Variants in SH3PXD2B observed in about 807,000 individuals in gnomAD.
SH3PXD2B encodes SH3 and PX domains 2B, also known as SH3 and PX domain-containing protein 2B.
SH3PXD2B carries 37 observed loss-of-function variants against 73.1 expected under a neutral mutation model. That is an observed-to-expected ratio of 0.51 (90% CI 0.39 to 0.67). The LOEUF (loss-of-function observed/expected upper bound fraction) is 0.67, where lower values mean the gene tolerates loss of function less well. SH3PXD2B is among the 30% of genes least tolerant of loss of function. SH3PXD2B has a pLI of 0.00. For missense variants in SH3PXD2B, 1,053 were observed against 1,197.8 expected, an observed-to-expected ratio of 0.88 and a Z score of 1.78; for synonymous variants, 457 against 480.5, an observed-to-expected ratio of 0.95 and a Z score of 0.64.
intron 6 of SH3PXD2B, among the ~76,000 whole-genome samples, chr5:172,367,673 A>G (rs532573334): frequency 6.6e-6 from 1 of 152,308 alleles, no homozygotes; most frequent in African/African-American, 2.4e-5. Context: ...AGACTCCTTT[A>G]TAGTTGGGAG....
intron 6 of SH3PXD2B, among the ~76,000 whole-genome samples, chr5:172,367,831 G>A (rs942130507): frequency 6.6e-6 from 1 of 152,112 alleles, no homozygotes; most frequent in African/African-American, 2.4e-5. Context: ...GGCTGGTGCT[G>A]CAGCAGCCAT....
chr5:172,330,229 A>C (rs1756529764), downstream of SH3PXD2B, among the ~76,000 whole-genome samples: 1 of 152,146 alleles, frequency 6.6e-6, no homozygotes, highest in South Asian at 2.1e-4. Flanking sequence ...TGGGATGCTC[A>C]ATTTGTATGG....
exon 13 of SH3PXD2B, chr5:172,325,282 C>A: frequency 1.3e-6 from 2 of 1,534,682 alleles, no homozygotes; most frequent in Non-Finnish European, 1.7e-6. Flanking sequence ...GTTCTCACAT[C>A]TCCATGGAAG....
chr5:172,394,827 C>T (rs577811126), intron 3 of SH3PXD2B, among the ~76,000 whole-genome samples, 188 bp from the exon 4 acceptor site: 1 of 152,238 alleles, frequency 6.6e-6, no homozygotes, highest in South Asian at 2.1e-4. Context: ...CCCCCTAAAC[C>T]CTGTTCACAG....
chr5:172,443,203 C>T (rs957367848), intron 1 of SH3PXD2B, among the ~76,000 whole-genome samples: 3 of 152,198 alleles, frequency 2.0e-5, no homozygotes, highest in Admixed American at 6.5e-5. Context: ...TATAGATGCT[C>T]TCCAGGCATC....
rs928590011 is a variant in SH3PXD2B at position 172,445,198 on chromosome 5, C to T, written c.75+9080G>A. On this transcript the variant is annotated intron_variant, in intron 1 of 12. Transcript: ENST00000311601. This position sits in a 1 kb window ranked among gnomAD's most constrained non-coding sequence, Gnocchi z 5.2. ...CCTGTCTGCCTGTCAGGACACTGACCTTCTTGAGGTCTCAATCCCTGCTTT... is the reference window on the plus strand; with the variant it reads ...CCTGTCTGCCTGTCAGGACACTGACTTTCTTGAGGTCTCAATCCCTGCTTT... Among the ~76,000 whole-genome samples the T allele has an allele frequency of 6.6e-6, 1 of 152,238 alleles. No homozygotes were observed. The highest frequency in any genetic ancestry group is 2.4e-5 in the African/African-American group (1 of 41,472).
In SH3PXD2B at chr5:172,334,931, C is replaced by T. The variant is rs996880957; in HGVS notation, c.*3438G>A. On this transcript the variant is annotated 3_prime_UTR_variant, in exon 13 of 13. Coordinates refer to ENST00000311601, the MANE Select transcript of SH3PXD2B (RefSeq NM_001017995.3). ...TTGGAAATTGATTCTATGGCGTGGC[C>T]TTGTGGCAGAGGTTTAAAATGACTA... 3.0e-6 allele frequency: 3 copies of T among 985,264 alleles called. No homozygotes were observed. The Admixed American group carries it at 1.8e-4, about 61-fold the overall frequency. The allele number at this position is 985,264 out of a possible 1,614,324, so 61.0% of individuals were successfully genotyped here. A position where few individuals can be genotyped will look rare whatever the true frequency, so the allele number is the denominator to read the frequency against.
rs1388853590 is a variant in SH3PXD2B at position 172,368,480 on chromosome 5, A to G, written c.427+5310T>C. ...ATATATATATATATTATATATATAT[A>G]TAAAATATATATATATTATATATAT... On this transcript the variant is annotated intron_variant, in intron 6 of 12. Coordinates refer to ENST00000311601, the MANE Select transcript of SH3PXD2B (RefSeq NM_001017995.3). Among the ~76,000 whole-genome samples, 2 of 21,582 alleles carry G rather than the reference A, an allele frequency of 9.3e-5. 1 individual carries two copies. The highest frequency in any genetic ancestry group is 4.9e-4 in the African/African-American group (2 of 4,120). 14.2% of individuals were successfully genotyped at this position (21,582 alleles called of 152,430 possible).
intron 1 of SH3PXD2B, among the ~76,000 whole-genome samples, chr5:172,450,291 T>C: frequency 6.6e-6 from 1 of 151,322 alleles, no homozygotes; most frequent in East Asian, 2.0e-4. Flanking sequence ...CAACATCAAA[T>C]GCAGGATAGT....
rs139495567 is a variant in SH3PXD2B, at chr5:172,450,058, G to A, written c.75+4220C>T. On this transcript the variant is annotated intron_variant, in intron 1 of 12. Coordinates refer to ENST00000311601, the MANE Select transcript of SH3PXD2B (RefSeq NM_001017995.3). The stretch of plus-strand genomic sequence containing the variant: ...AAGGTCCATGGGCTGTGGTGGGAAG[G>A]GGATTGATGGCAAATGGGCGTGGGG... Among the ~76,000 whole-genome samples, 4 of 152,270 alleles carry A rather than the reference G, an allele frequency of 2.6e-5. 1 individual carries two copies. Among genetic ancestry groups the A allele is most frequent in the South Asian group, 4.1e-4 (2 of 4,826 alleles).
chr5:172,337,917 C>T lies in SH3PXD2B; in HGVS notation c.*452G>A. On this transcript the variant is annotated 3_prime_UTR_variant, in exon 13 of 13. Transcript: ENST00000311601. ...AGGAGGAGTGAATAAAGCCACTGGG[C>T]TTTTAGAAACATGAAGAAGTTGGAG... The T allele has an allele frequency of 9.7e-7, 1 of 1,033,250 alleles. No homozygotes were observed. Among genetic ancestry groups the T allele is most frequent in the South Asian group, 3.7e-5 (1 of 26,954 alleles). 64.0% of individuals were successfully genotyped at this position (1,033,250 alleles called of 1,614,324 possible).
Position 172,336,590 on chromosome 5 carries a change from C to T in SH3PXD2B, c.*1779G>A, listed in dbSNP as rs923159917. On this transcript the variant is annotated 3_prime_UTR_variant, in exon 13 of 13. Transcript: ENST00000311601. ...GGGCTGTTCAAGCAAAACTTTGGCA[C>T]TGCAGGTAGACACTGAGCATCCCCC... 1.5e-5 allele frequency: 15 copies of T among 985,660 alleles called. No homozygotes were observed. The African/African-American group carries it at 2.1e-4, about 14-fold the overall frequency. The allele number at this position is 985,660 out of a possible 1,614,324, so 61.1% of individuals were successfully genotyped here.
intron 2 of SH3PXD2B, among the ~76,000 whole-genome samples, chr5:172,412,726 C>T (rs1194946020): frequency 1.3e-5 from 2 of 152,170 alleles, no homozygotes; most frequent in Non-Finnish European, 2.9e-5. Context: ...GGACCAGGCC[C>T]AGGCTGTCTG....
At chr5:172,354,900 G>A (rs374340691) in intron 8 of SH3PXD2B, among the ~76,000 whole-genome samples, 13 of 152,246 alleles carry the variant, frequency 8.5e-5, no homozygotes, top group African/African-American at 2.4e-4. Flanking sequence ...CCCCAGCTGC[G>A]TCCCTCCCAC....
intron 2 of SH3PXD2B, among the ~76,000 whole-genome samples, chr5:172,411,004 G>A (rs757387538): frequency 1.8e-4 from 27 of 152,136 alleles, no homozygotes; most frequent in Non-Finnish European, 2.2e-4. Flanking sequence ...AGAGTGTCAC[G>A]TGAACACAAA....
downstream of SH3PXD2B, among the ~76,000 whole-genome samples, chr5:172,331,678 A>G (rs987994126): frequency 6.6e-6 from 1 of 152,106 alleles, no homozygotes; most frequent in African/African-American, 2.4e-5. Context: ...GGGGCTGGGC[A>G]CGGTGGCTCA....
chr5:172,356,417 G>A (rs1478589707), intron 8 of SH3PXD2B, among the ~76,000 whole-genome samples: 1 of 152,196 alleles, frequency 6.6e-6, no homozygotes, highest in African/African-American at 2.4e-5. Flanking sequence ...ACTCAAATGA[G>A]CCTGAATGAA....
At chr5:172,428,895 C>G (rs1039068165) in intron 1 of SH3PXD2B, among the ~76,000 whole-genome samples, 1 of 152,194 alleles carries the variant, frequency 6.6e-6, no homozygotes, top group African/African-American at 2.4e-5. Flanking sequence ...AGCTCAGATG[C>G]TACTGCCTCC....
chr5:172,346,281 G>T lies in SH3PXD2B; in HGVS notation c.1063-20C>A, dbSNP rs774610387. On this transcript the variant is annotated intron_variant, in intron 11 of 12. Coordinates refer to ENST00000311601, the MANE Select transcript of SH3PXD2B (RefSeq NM_001017995.3). ...TCGAGGCTGGTACGATCACACACAG[G>T]GTTATCTCCAAGGCTAAGTGCACTC... 5 of 1,613,312 alleles carry T rather than the reference G, an allele frequency of 3.1e-6. No individual in the cohort carries two copies. The highest frequency in any genetic ancestry group is 4.2e-6 in the Non-Finnish European group (5 of 1,179,858).
Sources: gnomAD v4.1 joint callset for allele counts (sites outside exome capture counted in the v4.1 genomes callset) on GRCh38, gnomAD v4.1.1 for gene constraint, Gnocchi (gnomAD v3.1) non-coding constraint, MANE v1.5 for transcripts, NCBI Gene and HGNC (gene_info 2026-07-23, HGNC 2026-07-21) for gene names.